CNTN5: variants seen among roughly 807,000 people sequenced by gnomAD.
The protein encoded by CNTN5 is contactin 5.
CNTN5 carries 77 observed loss-of-function variants against 129.1 expected under a neutral mutation model. The observed-to-expected ratio is 0.60, with a 90% CI of 0.50 to 0.72. CNTN5 has a LOEUF of 0.72. Ranked by LOEUF, CNTN5 falls within the 30% of genes least tolerant of loss-of-function variation. The probability of loss-of-function intolerance (pLI) is 0.00; values close to 1 mark genes in which losing one functional copy is unlikely to be tolerated. For missense variants in CNTN5, 1,478 were observed against 1,328.8 expected, an observed-to-expected ratio of 1.11 and a Z score of -1.75; for synonymous variants, 509 against 465.6, an observed-to-expected ratio of 1.09 and a Z score of -1.20.
chr11:99,503,676 T>C (rs555965515), intron 2 of CNTN5, among the ~76,000 whole-genome samples: 20 of 152,318 alleles, frequency 1.3e-4, no homozygotes, highest in African/African-American at 4.1e-4. Flanking sequence ...CAGCTTCTAA[T>C]AATACTGTTC....
At chr11:99,061,314 A>T (rs1864865482) in intron 1 of CNTN5, among the ~76,000 whole-genome samples, 1 of 152,128 alleles carries the variant, frequency 6.6e-6, no homozygotes, top group Non-Finnish European at 1.5e-5. Context: ...TCATGCAAAG[A>T]CTGAGTGTGT....
chr11:99,163,474 TTC>T (rs1860717273), intron 1 of CNTN5, among the ~76,000 whole-genome samples: 2 of 152,072 alleles, frequency 1.3e-5, no homozygotes, highest in East Asian at 1.9e-4. Context: ...TTTCTCAATT[TTC>T]TGTTTTTCAA....
At chr11:99,276,842 T>A (rs571403413) in intron 1 of CNTN5, among the ~76,000 whole-genome samples, 6 of 151,712 alleles carry the variant, frequency 4.0e-5, no homozygotes, top group African/African-American at 1.4e-4. Flanking sequence ...CACTGTGAAA[T>A]ATTTTAAGTA....
intron 2 of CNTN5, among the ~76,000 whole-genome samples, chr11:99,348,394 A>C (rs1938057419): frequency 6.6e-6 from 1 of 152,220 alleles, no homozygotes; most frequent in South Asian, 2.1e-4. Flanking sequence ...TGACTGGTTG[A>C]AACTTTAAGG....
intron 2 of CNTN5, among the ~76,000 whole-genome samples, chr11:99,335,795 T>C (rs1591538088): frequency 6.6e-6 from 1 of 152,190 alleles, no homozygotes; most frequent in East Asian, 1.9e-4. Context: ...TGAACAAGCC[T>C]CCGTGGTGCT....
chr11:99,991,116 A>C (rs1211830045), intron 8 of CNTN5, among the ~76,000 whole-genome samples: 1 of 152,216 alleles, frequency 6.6e-6, no homozygotes, highest in Non-Finnish European at 1.5e-5. Context: ...TATGAGCTAG[A>C]ACCTGATATT....
At chr11:99,895,124 A>T (rs1036487056) in intron 6 of CNTN5, among the ~76,000 whole-genome samples, 1 of 152,224 alleles carries the variant, frequency 6.6e-6, no homozygotes, top group Non-Finnish European at 1.5e-5. Context: ...CCTTGGTAGC[A>T]TCAGATAATA....
intron 3 of CNTN5, among the ~76,000 whole-genome samples, chr11:99,805,928 T>C (rs1378127686): frequency 6.6e-6 from 1 of 152,186 alleles, no homozygotes; most frequent in African/African-American, 2.4e-5. Flanking sequence ...CACTAAGCTG[T>C]TAAATGGGCT....
intron 1 of CNTN5, among the ~76,000 whole-genome samples, chr11:99,202,179 T>C (rs774551669): frequency 6.6e-6 from 1 of 152,232 alleles, no homozygotes; most frequent in Non-Finnish European, 1.5e-5. Flanking sequence ...CTTTAAAAAG[T>C]TGCTGAGCCA....
chr11:99,124,924 G>A (rs1003063083), intron 1 of CNTN5, among the ~76,000 whole-genome samples: 4 of 151,834 alleles, frequency 2.6e-5, no homozygotes, highest in African/African-American at 7.3e-5. Flanking sequence ...GAAAGCAATC[G>A]AATGTCTTAA....
intron 1 of CNTN5, among the ~76,000 whole-genome samples, chr11:99,062,921 G>A (rs1456309736): frequency 6.6e-6 from 1 of 152,036 alleles, no homozygotes; most frequent in Non-Finnish European, 1.5e-5. Context: ...AAGTAGTAGT[G>A]AAAGATACGG....
intron 6 of CNTN5, among the ~76,000 whole-genome samples, chr11:99,848,309 T>C (rs938484571): frequency 1.3e-5 from 2 of 152,198 alleles, no homozygotes; most frequent in South Asian, 2.1e-4. Flanking sequence ...TAATAGAATA[T>C]ACTCACTGTT....
At chr11:99,225,654 A>G (rs1344685857) in intron 1 of CNTN5, among the ~76,000 whole-genome samples, 1 of 152,104 alleles carries the variant, frequency 6.6e-6, no homozygotes, top group East Asian at 1.9e-4. Context: ...ATGATCATAC[A>G]GTGTTGATGT....
chr11:99,774,729 C>T (rs1400242740), intron 3 of CNTN5, among the ~76,000 whole-genome samples: 1 of 151,986 alleles, frequency 6.6e-6, no homozygotes, highest in Non-Finnish European at 1.5e-5. Flanking sequence ...TTTGAAACAG[C>T]TTCTTCTCTT....
chr11:99,306,033 T>G (rs894798522), intron 1 of CNTN5, among the ~76,000 whole-genome samples: 4 of 152,056 alleles, frequency 2.6e-5, no homozygotes, highest in East Asian at 1.9e-4. Flanking sequence ...AGAAGAACTA[T>G]GAGAAAGATA....
chr11:99,663,046 A>AGTAG (rs1399954623), intron 3 of CNTN5, among the ~76,000 whole-genome samples: 1 of 152,242 alleles, frequency 6.6e-6, no homozygotes, highest in Non-Finnish European at 1.5e-5. Flanking sequence ...AGTTCACATG[A>AGTAG]GTAGTACTTT....
intron 1 of CNTN5, among the ~76,000 whole-genome samples, chr11:99,179,346 G>T (rs553790148): frequency 6.6e-6 from 1 of 152,076 alleles, no homozygotes; most frequent in Non-Finnish European, 1.5e-5. Context: ...AGAGTTTGAG[G>T]CAGGAGAATT....
At chr11:99,958,758 T>C (rs1466623638) in intron 8 of CNTN5, among the ~76,000 whole-genome samples, 1 of 152,246 alleles carries the variant, frequency 6.6e-6, no homozygotes, top group Non-Finnish European at 1.5e-5. Flanking sequence ...CTCCCTGATT[T>C]CTTAAGACGT....
intron 1 of CNTN5, among the ~76,000 whole-genome samples, chr11:99,031,005 G>A (rs1565260044): frequency 6.6e-6 from 1 of 151,544 alleles, no homozygotes; most frequent in Non-Finnish European, 1.5e-5. Context: ...CACCGTGTTA[G>A]CCAGGATGGT....
Sources: allele counts gnomAD v4.1 joint callset (sites outside exome capture counted in the v4.1 genomes callset), GRCh38; gene constraint gnomAD v4.1.1; transcripts MANE v1.5; gene names NCBI Gene and HGNC (gene_info 2026-07-23, HGNC 2026-07-21).